The following RBFOX1 variants were observed in gnomAD, a reference collection of about 807,000 sequenced individuals.
RBFOX1 encodes RNA binding fox-1 homolog 1.
Under a neutral mutation model 57.7 loss-of-function variants are expected in RBFOX1, and 8 were observed. The ratio of observed to expected loss-of-function variants is 0.14; its 90% CI spans 0.08 to 0.25. RBFOX1 has a LOEUF of 0.25. Among genes scored for constraint, RBFOX1 ranks in the 10% least tolerant of loss-of-function variants. The pLI is 1.00. For missense variants in RBFOX1, 611 were observed against 548.5 expected (o/e 1.11, Z -1.14); for synonymous variants, 326 against 222.4 (o/e 1.47, Z -4.15).
chr16:5,750,742 A>G (rs11859726), intron 3 of RBFOX1, among the ~76,000 whole-genome samples: 1,918 of 152,186 alleles, frequency 0.013, 40 homozygotes, highest in African/African-American at 0.041. Context: ...GGAGTGACCC[A>G]ATTTTCCAGG....
chr16:6,129,166 T>C (rs2096611596), intron 1 of RBFOX1, among the ~76,000 whole-genome samples: 1 of 152,132 alleles, frequency 6.6e-6, no homozygotes, highest in Non-Finnish European at 1.5e-5. Context: ...TATAGCAAGA[T>C]ACAAAATAAA....
intron 3 of RBFOX1, among the ~76,000 whole-genome samples, chr16:6,848,338 C>G (rs916087561): frequency 6.6e-6 from 1 of 152,086 alleles, no homozygotes; most frequent in Non-Finnish European, 1.5e-5. Flanking sequence ...AGTTTGGCAT[C>G]TGCATTTTTT....
chr16:6,839,852 G>T (rs11641668), intron 3 of RBFOX1, among the ~76,000 whole-genome samples: 79,784 of 152,026 alleles, frequency 0.52, 22,572 homozygotes, highest in East Asian at 0.87. Flanking sequence ...CTGTTCTTAC[G>T]TGATATTTGG....
At chr16:7,356,616 G>T (rs2097218749) in intron 4 of RBFOX1, among the ~76,000 whole-genome samples, 1 of 152,220 alleles carries the variant, frequency 6.6e-6, no homozygotes, top group Non-Finnish European at 1.5e-5. Context: ...CCACTGGAAA[G>T]TTTTAAGCAG....
chr16:7,048,194 A>AT (rs917300574), intron 3 of RBFOX1, among the ~76,000 whole-genome samples: 2 of 147,966 alleles, frequency 1.4e-5, no homozygotes, highest in Admixed American at 6.8e-5. Context: ...TTTTATTTTT[A>AT]TTTTTTTAAA....
At chr16:5,767,834 C>T (rs966288936) in intron 3 of RBFOX1, among the ~76,000 whole-genome samples, 1 of 152,124 alleles carries the variant, frequency 6.6e-6, no homozygotes, top group African/African-American at 2.4e-5. Flanking sequence ...CCACCTCCTC[C>T]CCCTCACTCA....
At chr16:7,042,217 C>T (rs146924253) in intron 3 of RBFOX1, among the ~76,000 whole-genome samples, 4 of 152,330 alleles carry the variant, frequency 2.6e-5, no homozygotes, top group Admixed American at 1.3e-4. Flanking sequence ...AGTGTGTAAA[C>T]AGCATCTTGT....
chr16:6,389,478 T>G (rs1270934404), intron 2 of RBFOX1, among the ~76,000 whole-genome samples: 1 of 152,218 alleles, frequency 6.6e-6, no homozygotes, highest in Non-Finnish European at 1.5e-5. Context: ...GCACCTGGTT[T>G]CTGAAATACT....
At chr16:6,855,654 A>AG (rs1004082590) in intron 3 of RBFOX1, among the ~76,000 whole-genome samples, 7 of 148,444 alleles carry the variant, frequency 4.7e-5, no homozygotes, top group African/African-American at 1.8e-4. Flanking sequence ...CTCCATCTCA[A>AG]AAAAAAAAAA....
intron 2 of RBFOX1, among the ~76,000 whole-genome samples, chr16:6,603,624 C>T (rs938892708): frequency 6.6e-6 from 1 of 152,134 alleles, no homozygotes; most frequent in African/African-American, 2.4e-5. Context: ...CCCCGGGCAG[C>T]CGCTATGTGC....
At chr16:6,750,552 C>T (rs948813671) in intron 3 of RBFOX1, among the ~76,000 whole-genome samples, 1 of 152,198 alleles carries the variant, frequency 6.6e-6, no homozygotes, top group Non-Finnish European at 1.5e-5. Flanking sequence ...TTAAAATAAA[C>T]TGGTGACCGA....
intron 4 of RBFOX1, among the ~76,000 whole-genome samples, chr16:7,378,975 G>T (rs1459282170): frequency 6.6e-6 from 1 of 152,226 alleles, no homozygotes; most frequent in African/African-American, 2.4e-5. Flanking sequence ...CTGACATTTA[G>T]AATCTGGTGG....
At chr16:5,686,608 C>T (rs2050512065) in intron 3 of RBFOX1, among the ~76,000 whole-genome samples, 1 of 152,096 alleles carries the variant, frequency 6.6e-6, no homozygotes, top group Non-Finnish European at 1.5e-5. Flanking sequence ...TGTTTGACTA[C>T]TGCCTCCCCT....
chr16:6,766,974 G>C (rs867405376), intron 3 of RBFOX1, among the ~76,000 whole-genome samples: 36 of 152,230 alleles, frequency 2.4e-4, no homozygotes, highest in African/African-American at 7.7e-4. Flanking sequence ...GAGGCTGAAG[G>C]CTGAAGGAAC....
At chr16:5,842,788 GACC>G (rs2056657887) in intron 3 of RBFOX1, among the ~76,000 whole-genome samples, 1 of 151,900 alleles carries the variant, frequency 6.6e-6, no homozygotes, top group Non-Finnish European at 1.5e-5. Context: ...CAATCGCTTT[GACC>G]ACATTACTAT....
At chr16:6,869,003 T>G (rs1214738697) in intron 3 of RBFOX1, among the ~76,000 whole-genome samples, 3 of 152,150 alleles carry the variant, frequency 2.0e-5, no homozygotes, top group African/African-American at 7.2e-5. Flanking sequence ...CCTGAGTGAC[T>G]ACAAAAAACA....
intron 2 of RBFOX1, among the ~76,000 whole-genome samples, chr16:6,611,392 C>A (rs920862384): frequency 1.3e-5 from 2 of 152,238 alleles, no homozygotes; most frequent in Non-Finnish European, 2.9e-5. Flanking sequence ...GGTGATCCAT[C>A]TGCCTCAGCC....
chr16:7,527,434 G>C (rs535470265), intron 5 of RBFOX1, among the ~76,000 whole-genome samples: 4 of 152,146 alleles, frequency 2.6e-5, no homozygotes, highest in Non-Finnish European at 5.9e-5. Flanking sequence ...GGATATCTCT[G>C]AGCATCAAAG....
At chr16:7,210,233 T>G (rs1232025941) in intron 4 of RBFOX1, among the ~76,000 whole-genome samples, 1 of 152,176 alleles carries the variant, frequency 6.6e-6, no homozygotes, top group Non-Finnish European at 1.5e-5. Flanking sequence ...AAGAGATTTA[T>G]TGCAAGGGAG....
Sources: allele counts gnomAD v4.1 joint callset (sites outside exome capture counted in the v4.1 genomes callset), GRCh38; gene constraint gnomAD v4.1.1; transcripts MANE v1.5; gene names NCBI Gene and HGNC (gene_info 2026-07-23, HGNC 2026-07-21).